The following NKX3-2 variants were observed in gnomAD, a reference collection of about 807,000 sequenced individuals.
NKX3-2 encodes homeobox protein Nkx-3.2.
Under a neutral mutation model 19.4 loss-of-function variants are expected in NKX3-2, and 13 were observed. The ratio of observed to expected loss-of-function variants is 0.67; its 90% confidence interval spans 0.44 to 1.07. The LOEUF (loss-of-function observed/expected upper bound fraction) is 1.07. Ranked by LOEUF, NKX3-2 falls within the 50% of genes least tolerant of loss-of-function variation. NKX3-2 has a pLI of 0.00. For synonymous variants in NKX3-2, 269 were observed against 230.5 expected, an observed-to-expected ratio of 1.17 and a Z score of -1.51; for missense variants, 562 against 488.2, an observed-to-expected ratio of 1.15 and a Z score of -1.42.
Position 13,544,229 on chromosome 4 carries a change from C to T in NKX3-2, c.186G>A (p.Ala62=). Residue 62 remains alanine, a synonymous_variant, in exon 1 of 2, where the codon GCG becomes GCA. Coordinates refer to ENST00000382438, the MANE Select transcript of NKX3-2 (RefSeq NM_001189.4). ...WRLFGERDAG[A]LGGAEDSLLA... ...GCAGAGAGTCCTCGGCGCCCCCCAACGCGCCCGCGTCCCTCTCCCCAAAGA... is the reference window on the plus strand; with the variant it reads ...GCAGAGAGTCCTCGGCGCCCCCCAATGCGCCCGCGTCCCTCTCCCCAAAGA... 1.3e-6 allele frequency: 2 copies of T among 1,590,364 alleles called. No individual in the cohort carries two copies. Among genetic ancestry groups the T allele is most frequent in the Non-Finnish European group, 1.7e-6 (2 of 1,175,862 alleles).
upstream of NKX3-2, chr4:13,544,590 G>C (rs1718081706): frequency 5.7e-6 from 2 of 352,284 alleles, no homozygotes; most frequent in Admixed American, 4.9e-5. Context: ...GATCAGCGCC[G>C]ACCCTCGCCC....
In NKX3-2 at chr4:13,544,060, C is replaced by A; in HGVS notation, c.355G>T (p.Ala119Ser). The A allele has an allele frequency of 6.4e-7, 1 of 1,572,904 alleles. No individual in the cohort carries two copies. The highest frequency in any genetic ancestry group is 1.8e-5 in the Admixed American group (1 of 55,248). ...DARGASGAGL[A>S]GGSLSLGQPV... ...TGGCCGAGGCTCAAGGATCCCCCCG[C>A]AAGGCCGGCCCCGCTGGCCCCCCGC... The change falls in exon 1 of 2, where the codon GCG becomes TCG. Residue 119 changes from alanine (A) to serine (S), a missense_variant. Coordinates refer to ENST00000382438, the MANE Select transcript of NKX3-2 (RefSeq NM_001189.4).
chr4:13,545,707 G>A (rs1309696011), upstream of NKX3-2, among the ~76,000 whole-genome samples: 1 of 151,920 alleles, frequency 6.6e-6, no homozygotes, highest in Admixed American at 6.6e-5. Context: ...GAATTTAATT[G>A]GAGTTTGTTA....
chr4:13,543,898 C>G lies in NKX3-2; in HGVS notation c.466+51G>C. 6.9e-7 allele frequency: 1 copy of G among 1,442,754 alleles called. No individual in the cohort carries two copies. The highest frequency in any genetic ancestry group is 9.2e-7 in the Non-Finnish European group (1 of 1,092,230). 89.4% of individuals were successfully genotyped at this position (1,442,754 alleles called of 1,614,324 possible). ...CCACCCCACTCGGCGTGGTTGCCCT[C>G]CGCGTCCATCCCCTCAGCCCGGCCC... On this transcript the variant is annotated intron_variant, in intron 1 of 1. Transcript: ENST00000382438. The surrounding 1 kb of genome is among the most constrained non-coding windows in gnomAD (Gnocchi z 7.1).
upstream of NKX3-2, chr4:13,547,314 C>T (rs1291701658): frequency 3.6e-5 from 16 of 447,204 alleles, no homozygotes; most frequent in Non-Finnish European, 6.8e-5. Context: ...CGCTTCCTGC[C>T]CATCGAGGGC....
In NKX3-2 at chr4:13,542,369, G is replaced by A; in HGVS notation, c.626C>T (p.Ser209Leu). The A allele has an allele frequency of 6.6e-7, 1 of 1,522,796 alleles. No homozygotes were observed. The highest frequency in any genetic ancestry group is 8.8e-7 in the Non-Finnish European group (1 of 1,138,198). The allele number at this position is 1,522,796 out of a possible 1,614,324, so 94.3% of individuals were successfully genotyped here. The stretch of plus-strand genomic sequence containing the variant: ...CTGCGCGTGGGAGAAAGCGGCCCGC[G>A]AGCGCTTCTTGCGTGGCTTGGGCGC... ...PAAPKPRKKR[S>L]RAAFSHAQVF... The change falls in exon 2 of 2, where the codon TCG becomes TTG. Residue 209 changes from serine (S) to leucine (L), a missense_variant. Coordinates refer to ENST00000382438, the MANE Select transcript of NKX3-2 (RefSeq NM_001189.4). The surrounding 1 kb of genome is among the most constrained non-coding windows in gnomAD (Gnocchi z 6.4).
At position 13,541,841 on chromosome 4, in the gene NKX3-2, G is replaced by C. The variant is rs567878260; in HGVS notation, c.*152C>G. On this transcript the variant is annotated 3_prime_UTR_variant, in exon 2 of 2. Transcript: ENST00000382438. ...CAGGGCAGACTCAGCCCAGCTGCCA[G>C]GGGACAAGTCCTGGCTAACGGGAGC... The C allele has an allele frequency of 4.0e-6, 5 of 1,237,690 alleles. No individual in the cohort carries two copies. In the East Asian group the frequency reaches 7.7e-5, roughly 19 times the overall value. The allele number at this position is 1,237,690 out of a possible 1,614,324, so 76.7% of individuals were successfully genotyped here.
chr4:13,544,757 G>A (rs1177871571), upstream of NKX3-2: 13 of 173,416 alleles, frequency 7.5e-5, no homozygotes, highest in Non-Finnish European at 1.5e-4. Context: ...GGATTGGCGG[G>A]GGCCCCTCCG....
rs1225189112 is a variant in NKX3-2 at position 13,543,946 on chromosome 4, G to C, written c.466+3C>G. The C allele has an allele frequency of 1.3e-6, 2 of 1,542,468 alleles. No homozygotes were observed. The highest frequency in any genetic ancestry group is 1.7e-6 in the Non-Finnish European group (2 of 1,146,024). Reference sequence around the variant, plus strand: ...CCCCCATCCCCGCGAAGCCGCAGCAGACCTGAGACGCTGGCGGACATCTCG... The same window carrying C: ...CCCCCATCCCCGCGAAGCCGCAGCACACCTGAGACGCTGGCGGACATCTCG... On this transcript the variant is annotated splice_donor_region_variant and intron_variant, in intron 1 of 1. Coordinates refer to ENST00000382438, the MANE Select transcript of NKX3-2 (RefSeq NM_001189.4). The surrounding 1 kb of genome is among the most constrained non-coding windows in gnomAD (Gnocchi z 7.1).
upstream of NKX3-2, chr4:13,547,189 C>T (rs549578347): frequency 4.4e-6 from 2 of 456,326 alleles, no homozygotes; most frequent in South Asian, 1.5e-5. Flanking sequence ...AGAGATATCC[C>T]GGCGTAACTA....
Position 13,544,034 on chromosome 4 carries a change from C to T in NKX3-2, c.381G>A (p.Gln127=), listed in dbSNP as rs1181274480. Residue 127 remains glutamine, a synonymous_variant, in exon 1 of 2, where the codon CAG becomes CAA. Coordinates refer to ENST00000382438, the MANE Select transcript of NKX3-2 (RefSeq NM_001189.4). ...GLAGGSLSLG[Q]PVCELAASKD... ...TGGAAGCGGCCAGCTCACAGACCGG[C>T]TGGCCGAGGCTCAAGGATCCCCCCG... 2.6e-6 allele frequency: 4 copies of T among 1,561,014 alleles called. No individual in the cohort carries two copies. The African/African-American group carries it at 4.2e-5, about 16-fold the overall frequency.
rs867479504 is a variant in NKX3-2, at chr4:13,542,833, C to A, written c.467-305G>T. On this transcript the variant is annotated intron_variant, in intron 1 of 1. Transcript: ENST00000382438. The surrounding 1 kb of genome is among the most constrained non-coding windows in gnomAD (Gnocchi z 6.4). ...GCTCCCCTCAGTAACTTGGGGCACT[C>A]GACCCGAGCATCCGCGAAAGCCCTC... is the stretch of plus-strand genomic sequence containing the variant. 6.6e-6 allele frequency among the ~76,000 whole-genome samples: 1 copy of A among 152,006 alleles called. No homozygotes were observed. The highest frequency in any genetic ancestry group is 6.5e-5 in the Admixed American group (1 of 15,282).
rs1311616439 is a variant in NKX3-2, at chr4:13,542,005, T to G, written c.990A>C (p.Ala330=). 1 of 1,587,652 alleles carries G rather than the reference T, an allele frequency of 6.3e-7. No individual in the cohort carries two copies. Among genetic ancestry groups the G allele is most frequent in the East Asian group, 2.3e-5 (1 of 42,882 alleles). ...GWALSTCAAA[A]GTQ ...AGCCCAAGCGGGTTCACTGGGTGCCTGCGGCAGCTGCGCAGGTGGAGAGCG... is the reference window on the plus strand; with the variant it reads ...AGCCCAAGCGGGTTCACTGGGTGCCGGCGGCAGCTGCGCAGGTGGAGAGCG... The change falls in exon 2 of 2, where the codon GCA becomes GCC. Residue 330 remains alanine, a synonymous_variant. Coordinates refer to ENST00000382438, the MANE Select transcript of NKX3-2 (RefSeq NM_001189.4). The surrounding 1 kb of genome is among the most constrained non-coding windows in gnomAD (Gnocchi z 6.4).
chr4:13,542,723 G>T lies in NKX3-2; in HGVS notation c.467-195C>A, dbSNP rs1269052436. ...TTGCCCCACTGGGTATCCCATCTAGGCCTCTTCTGGGGAGGGCGGCAGACT... is the reference window on the plus strand; with the variant it reads ...TTGCCCCACTGGGTATCCCATCTAGTCCTCTTCTGGGGAGGGCGGCAGACT... On this transcript the variant is annotated intron_variant, in intron 1 of 1. Coordinates refer to ENST00000382438, the MANE Select transcript of NKX3-2 (RefSeq NM_001189.4). This position sits in a 1 kb window ranked among gnomAD's most constrained non-coding sequence, Gnocchi z 6.4. Among the ~76,000 whole-genome samples the T allele has an allele frequency of 6.6e-6, 1 of 152,112 alleles. No homozygotes were observed. Among genetic ancestry groups the T allele is most frequent in the African/African-American group, 2.4e-5 (1 of 41,436 alleles).
rs1285896718 is a variant in NKX3-2 at position 13,541,572 on chromosome 4, T to C, written c.*421A>G. The stretch of plus-strand genomic sequence containing the variant: ...ACATAGATTGGTAGCATGGATACCA[T>C]GAACTAGTGTGGCCTAGTGCAGAAA... On this transcript the variant is annotated 3_prime_UTR_variant, in exon 2 of 2. Coordinates refer to ENST00000382438, the MANE Select transcript of NKX3-2 (RefSeq NM_001189.4). The C allele has an allele frequency of 2.8e-5, 5 of 179,242 alleles. No individual in the cohort carries two copies. Among genetic ancestry groups the C allele is most frequent in the Admixed American group, 2.4e-4 (4 of 16,786 alleles). 11.1% of individuals were successfully genotyped at this position (179,242 alleles called of 1,614,324 possible).
Position 13,542,630 on chromosome 4 carries a change from A to C in NKX3-2, c.467-102T>G. The C allele has an allele frequency of 1.4e-6, 2 of 1,432,718 alleles. No individual in the cohort carries two copies. The highest frequency in any genetic ancestry group is 1.9e-6 in the Non-Finnish European group (2 of 1,033,982). 88.8% of individuals were successfully genotyped at this position (1,432,718 alleles called of 1,614,324 possible). On this transcript the variant is annotated intron_variant, in intron 1 of 1. Transcript: ENST00000382438. This position sits in a 1 kb window ranked among gnomAD's most constrained non-coding sequence, Gnocchi z 6.4. ...GGTCACGGGAGTGGGGCGGAAATAC[A>C]CTTTGATCCCACTCAAGCGGAGCGG...
In NKX3-2 at chr4:13,541,883, C is replaced by T. The variant is rs1000099954; in HGVS notation, c.*110G>A. 4 of 1,482,776 alleles carry T rather than the reference C, an allele frequency of 2.7e-6. No homozygotes were observed. Among genetic ancestry groups the T allele is most frequent in the Admixed American group, 2.1e-5 (1 of 47,442 alleles). 91.9% of individuals were successfully genotyped at this position (1,482,776 alleles called of 1,614,324 possible). On this transcript the variant is annotated 3_prime_UTR_variant, in exon 2 of 2. Coordinates refer to ENST00000382438, the MANE Select transcript of NKX3-2 (RefSeq NM_001189.4). The stretch of plus-strand genomic sequence containing the variant: ...AACGGGAGCTGGAGCTGGGTTTCAC[C>T]TCCAGGTGCCTCCTTGGCGGGGCGC...
Position 13,544,255 on chromosome 4 carries a change from G to A in NKX3-2, c.160C>T (p.Leu54Phe). The change falls in exon 1 of 2, where the codon CTC becomes TTC. Residue 54 changes from leucine (L) to phenylalanine (F), a missense_variant. Coordinates refer to ENST00000382438, the MANE Select transcript of NKX3-2 (RefSeq NM_001189.4). ...GCGCCCGCGTCCCTCTCCCCAAAGA[G>A]CCGCCAACAGCAGACAGCGGGAGCC... ...AAAPAVCCWRLFGERDAGALG... is the reference protein window; with the variant it reads ...AAAPAVCCWRFFGERDAGALG... The A allele has an allele frequency of 6.4e-7, 1 of 1,573,998 alleles. No homozygotes were observed. The highest frequency in any genetic ancestry group is 1.8e-5 in the Admixed American group (1 of 55,128).
In NKX3-2 at chr4:13,542,423, C is replaced by A; in HGVS notation, c.572G>T (p.Gly191Val). Residue 191 changes from glycine to valine, a missense_variant, in exon 2 of 2, where the codon GGC becomes GTC. Transcript: ENST00000382438. The surrounding 1 kb of genome is among the most constrained non-coding windows in gnomAD (Gnocchi z 6.4). ...AGGGGGSGPA[G>V]VAEEEEEPAA... ...CGGCTCCTCCTCCTCCTCCGCGACG[C>A]CTGCCGGCCCGCTGCCGCCCCCGCC... The A allele has an allele frequency of 1.3e-6, 2 of 1,539,188 alleles. No individual in the cohort carries two copies. The highest frequency in any genetic ancestry group is 1.7e-6 in the Non-Finnish European group (2 of 1,149,556).
Sources: gnomAD v4.1 joint callset for allele counts (sites outside exome capture counted in the v4.1 genomes callset) on GRCh38, gnomAD v4.1.1 for gene constraint, Gnocchi (gnomAD v3.1) non-coding constraint, MANE v1.5 for transcripts, NCBI Gene and HGNC (gene_info 2026-07-23, HGNC 2026-07-21) for gene names.